Variants in TBX15 observed in about 807,000 individuals in gnomAD.
TBX15 encodes T-box transcription factor 15.
Under a neutral mutation model 53.9 loss-of-function variants are expected in TBX15, and 18 were observed. The observed-to-expected ratio is 0.33, with a 90% CI of 0.23 to 0.49. The LOEUF (loss-of-function observed/expected upper bound fraction) is 0.49. Ranked by LOEUF, TBX15 falls within the 20% of genes least tolerant of loss-of-function variation. TBX15 has a pLI of 0.98. For synonymous variants in TBX15, 295 were observed against 278.0 expected (o/e 1.06, Z -0.61); for missense variants, 692 against 749.5 (o/e 0.92, Z 0.90).
At chr1:118,920,241 G>A (rs1779433) in intron 5 of TBX15, among the ~76,000 whole-genome samples, 129,931 of 152,146 alleles carry the variant, frequency 0.85, 55,691 homozygotes, top group Non-Finnish European at 0.89. Context: ...AGCCAAAGTT[G>A]CAATGTGATG....
chr1:118,976,086 G>C (rs1657422266), intron 1 of TBX15, among the ~76,000 whole-genome samples: 1 of 152,132 alleles, frequency 6.6e-6, no homozygotes. Flanking sequence ...TTTTAAAAAA[G>C]TAGTAAATGA....
chr1:118,935,228 AT>A (rs1461104722), intron 1 of TBX15, among the ~76,000 whole-genome samples: 3 of 152,202 alleles, frequency 2.0e-5, no homozygotes, highest in Admixed American at 1.3e-4. Context: ...CCAGATCAAA[AT>A]TTTTAGCTAT....
At chr1:118,974,443 C>T (rs1249743838) in intron 1 of TBX15, among the ~76,000 whole-genome samples, 2 of 152,140 alleles carry the variant, frequency 1.3e-5, no homozygotes, top group Admixed American at 6.5e-5. Flanking sequence ...CTAAAATCCA[C>T]GCACCAAAAC....
chr1:118,984,804 T>C lies in TBX15; in HGVS notation c.205+2787A>G, dbSNP rs1657774930. On this transcript the variant is annotated intron_variant, in intron 1 of 7. Coordinates refer to ENST00000369429, the MANE Select transcript of TBX15 (RefSeq NM_001330677.2). ...TTTGAAACGCTTTCGAAATACATAG[T>C]TTCCTCTGTGGAGTGAGTGCCTACA... Among the ~76,000 whole-genome samples, 6 of 152,106 alleles carry C rather than the reference T, an allele frequency of 3.9e-5. No individual in the cohort carries two copies. In the South Asian group the frequency reaches 1.2e-3, roughly 32 times the overall value.
chr1:118,884,868 A>G lies in TBX15; in HGVS notation c.1673T>C (p.Leu558Pro). 6.2e-7 allele frequency: 1 copy of G among 1,614,222 alleles called. No individual in the cohort carries two copies. Among genetic ancestry groups the G allele is most frequent in the Non-Finnish European group, 8.5e-7 (1 of 1,180,036 alleles). The change falls in exon 8 of 8, where the codon CTG becomes CCG. Residue 558 changes from leucine to proline, a missense_variant. This residue lies in a region of TBX15 where 375 missense variants were observed against 371.6 expected (regional missense o/e 1.01). Coordinates refer to ENST00000369429, the MANE Select transcript of TBX15 (RefSeq NM_001330677.2). ...SNGAFGERQY[L>P]PSGMEHSMHM... ...CATGCTGTGCTCCATCCCTGACGGCAGGTACTGCCTCTCTCCAAAGGCCCC... is the reference window on the plus strand; with the variant it reads ...CATGCTGTGCTCCATCCCTGACGGCGGGTACTGCCTCTCTCCAAAGGCCCC...
At chr1:118,893,485 GGAAAGAAAGAAAGAAAGAAAGAAAGAAA>G (rs55891659) in intron 7 of TBX15, among the ~76,000 whole-genome samples, 2 of 72,082 alleles carry the variant, frequency 2.8e-5, no homozygotes, top group African/African-American at 1.7e-4. Flanking sequence ...AAGGAAGGAA[GGAAAGAAAGAAAGAAAGAAAGAAAGAAA>G]GAAAGAAAGA....
At chr1:118,955,866 T>C (rs1262598169) in intron 1 of TBX15, among the ~76,000 whole-genome samples, 1 of 152,186 alleles carries the variant, frequency 6.6e-6, no homozygotes, top group African/African-American at 2.4e-5. Context: ...GTCTACCAAA[T>C]AGTTATCCTT....
intron 6 of TBX15, among the ~76,000 whole-genome samples, chr1:118,904,374 C>A (rs1654741351): frequency 6.6e-6 from 1 of 152,126 alleles, no homozygotes; most frequent in East Asian, 1.9e-4. Context: ...TTACTCAGAT[C>A]AAAATATCCA....
intron 1 of TBX15, among the ~76,000 whole-genome samples, chr1:118,938,340 C>T (rs1295752900): frequency 6.6e-6 from 1 of 152,072 alleles, no homozygotes; most frequent in African/African-American, 2.4e-5. Context: ...AGACTAAGGG[C>T]ACATCATATC....
chr1:118,892,637 T>C (rs1438017941), intron 7 of TBX15, among the ~76,000 whole-genome samples: 1 of 152,178 alleles, frequency 6.6e-6, no homozygotes, highest in Non-Finnish European at 1.5e-5. Flanking sequence ...TAAGTGAAGT[T>C]TGTAGTCTTC....
intron 2 of TBX15, among the ~76,000 whole-genome samples, chr1:118,929,455 T>C (rs1432787844): frequency 6.6e-6 from 1 of 152,220 alleles, no homozygotes; most frequent in Non-Finnish European, 1.5e-5. Context: ...AGAGAAAGCC[T>C]TATTTGTATG....
At chr1:118,938,698 G>T (rs1003170661) in intron 1 of TBX15, among the ~76,000 whole-genome samples, 1 of 152,144 alleles carries the variant, frequency 6.6e-6, no homozygotes, top group South Asian at 2.1e-4. Context: ...ATTCTGACTG[G>T]TGTGAGATAG....
At chr1:118,935,086 TG>T (rs1174358170) in intron 1 of TBX15, among the ~76,000 whole-genome samples, 1 of 152,186 alleles carries the variant, frequency 6.6e-6, no homozygotes, top group African/African-American at 2.4e-5. Flanking sequence ...GGGCCACCCG[TG>T]GGGTAAGCAA....
At chr1:118,909,019 G>A (rs903201797) in intron 6 of TBX15, among the ~76,000 whole-genome samples, 1 of 152,144 alleles carries the variant, frequency 6.6e-6, no homozygotes, top group Admixed American at 6.5e-5. Flanking sequence ...AGTTCCATAA[G>A]TCAAGTCTGA....
intron 5 of TBX15, among the ~76,000 whole-genome samples, chr1:118,921,923 A>G (rs1655437072): frequency 1.3e-5 from 2 of 152,224 alleles, no homozygotes; most frequent in African/African-American, 2.4e-5. Flanking sequence ...AATAGCTCAC[A>G]AAAGAGAACA....
intron 5 of TBX15, among the ~76,000 whole-genome samples, chr1:118,916,629 C>T (rs1341658533): frequency 2.0e-5 from 3 of 151,998 alleles, no homozygotes; most frequent in South Asian, 2.1e-4. Flanking sequence ...TTTGGGAGGC[C>T]GAGGCAGATG....
chr1:118,894,761 G>A (rs543858439), intron 7 of TBX15, among the ~76,000 whole-genome samples: 2 of 152,242 alleles, frequency 1.3e-5, no homozygotes, highest in East Asian at 3.9e-4. Flanking sequence ...CTCAGTTTTG[G>A]ACATGCTGAG....
chr1:118,973,353 T>C (rs1199000095), intron 1 of TBX15, among the ~76,000 whole-genome samples: 1 of 152,094 alleles, frequency 6.6e-6, no homozygotes, highest in Admixed American at 6.6e-5. Context: ...GAAGGCTGTC[T>C]GCTTTCATGC....
Position 118,885,526 on chromosome 1 carries a change from A to G in TBX15, c.1025-10T>C, listed in dbSNP as rs1653909984. On this transcript the variant is annotated splice_polypyrimidine_tract_variant and intron_variant, in intron 7 of 7. Transcript: ENST00000369429. ...GTGCCTGTGCTGCCTCCTGAAAAAT[A>G]AAACGTGAATACTATTGAGACAGAG... 9 of 1,568,120 alleles carry G rather than the reference A, an allele frequency of 5.7e-6. No individual in the cohort carries two copies. The East Asian group carries it at 2.1e-4, about 37-fold the overall frequency.
Sources: gnomAD v4.1 joint callset for allele counts (sites outside exome capture counted in the v4.1 genomes callset) on GRCh38, gnomAD v4.1.1 for gene constraint, gnomAD v4.1.1 regional missense constraint, MANE v1.5 for transcripts, NCBI Gene and HGNC (gene_info 2026-07-23, HGNC 2026-07-21) for gene names.